The following FAM53A variants were observed in gnomAD, a reference collection of about 807,000 sequenced individuals.
FAM53A encodes the protein family with sequence similarity 53 member A, also known as protein FAM53A.
A neutral mutation model predicts 26.6 loss-of-function variants in FAM53A; 28 were observed. The observed-to-expected ratio is 1.05, with a 90% CI of 0.78 to 1.45. FAM53A has a LOEUF of 1.45. Ranked by LOEUF, FAM53A falls within the 40% of genes most tolerant of loss-of-function variation. The pLI, the probability that FAM53A is intolerant of heterozygous loss-of-function variation, is 0.00. For synonymous variants in FAM53A, 290 were observed against 253.1 expected, an observed-to-expected ratio of 1.15 and a Z score of -1.38; for missense variants, 650 against 575.8, an observed-to-expected ratio of 1.13 and a Z score of -1.32.
intron 1 of FAM53A, among the ~76,000 whole-genome samples, chr4:1,621,943 C>T (rs1005528321): frequency 3.3e-5 from 5 of 152,162 alleles, no homozygotes; most frequent in Admixed American, 1.3e-4. Context: ...GTGTTTGGGT[C>T]GGACGGCACC....
At chr4:1,598,166 C>G in the FAM53A span, among the ~76,000 whole-genome samples, 1 of 152,270 alleles carries the variant, frequency 6.6e-6, no homozygotes, top group Non-Finnish European at 1.5e-5. Flanking sequence ...CCCCTTCTTG[C>G]CCCTTCTCCG....
upstream of FAM53A, among the ~76,000 whole-genome samples, chr4:1,684,530 C>T (rs1450755267): frequency 6.6e-5 from 10 of 151,470 alleles, no homozygotes; most frequent in Non-Finnish European, 1.5e-5. Context: ...GGCCCCGCCC[C>T]CGGATCGACG....
At chr4:1,579,067 C>T in the FAM53A span, among the ~76,000 whole-genome samples, 1 of 151,122 alleles carries the variant, frequency 6.6e-6, no homozygotes, top group Admixed American at 6.6e-5. Flanking sequence ...CCCTCCAGGC[C>T]GGAATCGAGG....
rs564515237 is a variant in FAM53A at position 1,648,219 on chromosome 4, A to T, written c.883-6612T>A. On this transcript the variant is annotated intron_variant, in intron 4 of 4. Coordinates refer to ENST00000308132, the MANE Select transcript of FAM53A (RefSeq NM_001174070.3). ...GAGAGAGACCCTGTCTCCAAAAAAC[A>T]AAACAAAACCAGGAACTGACAGGTA... 5.9e-5 allele frequency among the ~76,000 whole-genome samples: 9 copies of T among 152,304 alleles called. 2 individuals are homozygous for T. The highest frequency in any genetic ancestry group is 1.9e-4 in the African/African-American group (8 of 41,576).
intron 2 of FAM53A, among the ~76,000 whole-genome samples, chr4:1,665,596 G>A (rs1714165074): frequency 6.6e-6 from 1 of 152,154 alleles, no homozygotes; most frequent in South Asian, 2.1e-4. Context: ...TAAGAAAACA[G>A]GAGTCATTGG....
chr4:1,662,434 G>A (rs1278981526), intron 2 of FAM53A, among the ~76,000 whole-genome samples: 1 of 133,810 alleles, frequency 7.5e-6, no homozygotes, highest in Admixed American at 8.9e-5. Context: ...AGCCAAGATC[G>A]CACCACTGCA....
Position 1,630,455 on chromosome 4 carries a change from C to T in FAM53A, c.432-12344G>A, listed in dbSNP as rs896295533. ...GCGTCTGTATGTGGCCAGTGGGCCG[C>T]GGTTTGCCGACCCCCAACTCATGGA... On this transcript the variant is annotated intron_variant, in intron 1 of 1. Transcript: ENST00000489029. The surrounding 1 kb of genome is among the most constrained non-coding windows in gnomAD (Gnocchi z 4.3). Among the ~76,000 whole-genome samples the T allele has an allele frequency of 3.3e-5, 5 of 152,230 alleles. No homozygotes were observed. Among genetic ancestry groups the T allele is most frequent in the Non-Finnish European group, 7.3e-5 (5 of 68,040 alleles).
chr4:1,644,084 C>A (rs1267505561), intron 4 of FAM53A: 2 of 1,433,654 alleles, frequency 1.4e-6, no homozygotes, highest in Non-Finnish European at 1.9e-6. Context: ...TCACCCGTGA[C>A]CTTGCAGACT....
At position 1,644,216 on chromosome 4, in the gene FAM53A, C is replaced by T. The variant is rs187673629; in HGVS notation, c.883-2609G>A. On this transcript the variant is annotated intron_variant, in intron 4 of 4. Transcript: ENST00000308132. ...TCAGGGGCCAGGTTTCCTTCCATTT[C>T]AAACCACGGCGTTTTGTTTTCATTC... is the stretch of plus-strand genomic sequence containing the variant. 2.2e-3 allele frequency: 3,436 copies of T among 1,536,014 alleles called. 9 individuals carry two copies. The highest frequency in any genetic ancestry group is 2.8e-3 in the Non-Finnish European group (3,161 of 1,146,842).
chr4:1,663,840 T>TAAA (rs200467394), intron 2 of FAM53A, among the ~76,000 whole-genome samples: 24 of 136,396 alleles, frequency 1.8e-4, no homozygotes, highest in African/African-American at 5.3e-4. Context: ...ACCCTGTCTT[T>TAAA]AAAAAAAAAA....
At chr4:1,581,607 T>C in the FAM53A span, among the ~76,000 whole-genome samples, 1 of 152,334 alleles carries the variant, frequency 6.6e-6, no homozygotes, top group Non-Finnish European at 1.5e-5. Context: ...TGTTTTGTTT[T>C]GTTTTTAAGA....
downstream of FAM53A, chr4:1,617,789 C>A: frequency 3.1e-6 from 1 of 325,790 alleles, no homozygotes; most frequent in Non-Finnish European, 6.0e-6. Flanking sequence ...CTGGGTATAG[C>A]ATTCTGGGTT....
chr4:1,651,302 C>A lies in FAM53A; in HGVS notation c.882+3676G>T, dbSNP rs191763678. 2.6e-5 allele frequency among the ~76,000 whole-genome samples: 4 copies of A among 151,656 alleles called. No homozygotes were observed. In the East Asian group the frequency reaches 7.8e-4, roughly 30 times the overall value. ...ATCCCAGCAATTTGGGAGGCCGAGG[C>A]AGGCGGATCACCTGAGGTCAGAAGT... On this transcript the variant is annotated intron_variant, in intron 4 of 4. Coordinates refer to ENST00000308132, the MANE Select transcript of FAM53A (RefSeq NM_001174070.3).
At position 1,657,476 on chromosome 4, in the gene FAM53A, G is replaced by A. The variant is rs754164133; in HGVS notation, c.76-8C>T. ...TTCCGCAGAATACTGCAACTGACAG[G>A]AAAGAGAAGTTTCAATACTGTGACT... On this transcript the variant is annotated splice_polypyrimidine_tract_variant and splice_region_variant and intron_variant, in intron 2 of 4. Coordinates refer to ENST00000308132, the MANE Select transcript of FAM53A (RefSeq NM_001174070.3). The A allele has an allele frequency of 1.1e-5, 17 of 1,613,178 alleles. No individual in the cohort carries two copies. Among genetic ancestry groups the A allele is most frequent in the East Asian group, 2.2e-5 (1 of 44,890 alleles).
upstream of FAM53A, among the ~76,000 whole-genome samples, chr4:1,685,731 T>TG (rs1715776825): frequency 1.3e-5 from 2 of 152,122 alleles, no homozygotes; most frequent in Admixed American, 6.5e-5. Context: ...TTCTCTTCGC[T>TG]GGGGTCCGGT....
At chr4:1,582,433 G>A in the FAM53A span, among the ~76,000 whole-genome samples, 1 of 152,320 alleles carries the variant, frequency 6.6e-6, no homozygotes, top group East Asian at 1.9e-4. Context: ...CCAGTGCCAT[G>A]TATGCCACCT....
downstream of FAM53A, among the ~76,000 whole-genome samples, chr4:1,637,454 G>C (rs537864779): frequency 6.6e-6 from 1 of 152,162 alleles, no homozygotes; most frequent in Non-Finnish European, 1.5e-5. Context: ...GGATGGAGAC[G>C]TATTCAGGAG....
the FAM53A span, among the ~76,000 whole-genome samples, chr4:1,593,160 C>T: frequency 3.9e-5 from 6 of 152,264 alleles, no homozygotes; most frequent in East Asian, 7.7e-4. Context: ...GGTCCTGGGT[C>T]GGGGGCCGGG....
At chr4:1,632,345 GC>G (rs1364094396) in intron 1 of FAM53A, among the ~76,000 whole-genome samples, 1 of 152,062 alleles carries the variant, frequency 6.6e-6, no homozygotes, top group Non-Finnish European at 1.5e-5. Context: ...GGAGATAGTG[GC>G]CGCCTTTGAA....
Sources: allele counts gnomAD v4.1 joint callset (sites outside exome capture counted in the v4.1 genomes callset), GRCh38; gene constraint gnomAD v4.1.1; non-coding constraint Gnocchi (gnomAD v3.1); transcripts MANE v1.5; gene names NCBI Gene and HGNC (gene_info 2026-07-23, HGNC 2026-07-21).